The following BMAL2 variants were observed in gnomAD, a reference collection of about 807,000 sequenced individuals.
The protein encoded by BMAL2 is basic helix-loop-helix ARNT-like protein 2.
At chr12:27,403,010 T>A in the BMAL2 span, among the ~76,000 whole-genome samples, 3 of 152,276 alleles carry the variant, frequency 2.0e-5, no homozygotes, top group South Asian at 6.2e-4. Flanking sequence ...AGGAATGATG[T>A]TTTATCCATT....
At chr12:27,398,712 G>C in the BMAL2 span, among the ~76,000 whole-genome samples, 1 of 152,186 alleles carries the variant, frequency 6.6e-6, no homozygotes, top group Non-Finnish European at 1.5e-5. Flanking sequence ...TGTTGTAAGA[G>C]AGAAGTAAAT....
At chr12:27,380,454 C>T in the BMAL2 span, 8 of 1,592,520 alleles carry the variant, frequency 5.0e-6, no homozygotes, top group African/African-American at 2.7e-5. Flanking sequence ...TCTGCTCTGT[C>T]ACTGAGGTCT....
At chr12:27,419,198 CA>C in the BMAL2 span, among the ~76,000 whole-genome samples, 4 of 151,890 alleles carry the variant, frequency 2.6e-5, no homozygotes, top group African/African-American at 9.7e-5. Context: ...ATGCAAAGTC[CA>C]GATCAAGTAA....
At chr12:27,398,865 G>A in the BMAL2 span, among the ~76,000 whole-genome samples, 10 of 152,114 alleles carry the variant, frequency 6.6e-5, no homozygotes, top group Non-Finnish European at 7.4e-5. Flanking sequence ...TGATGTATAA[G>A]CCCTTTTATT....
At chr12:27,417,719 C>T in the BMAL2 span, among the ~76,000 whole-genome samples, 6 of 152,228 alleles carry the variant, frequency 3.9e-5, no homozygotes, top group East Asian at 1.9e-4. Context: ...CTTGGCCAGG[C>T]GCAGTGGCTC....
At chr12:27,387,241 T>G in the BMAL2 span, 1 of 1,611,398 alleles carries the variant, frequency 6.2e-7, no homozygotes, top group African/African-American at 1.3e-5. Context: ...GCAGAAGGCT[T>G]CTTATTTGTG....
chr12:27,383,981 C>T, the BMAL2 span, among the ~76,000 whole-genome samples: 16 of 152,154 alleles, frequency 1.1e-4, no homozygotes, highest in Admixed American at 5.2e-4. Context: ...GCCACAGATC[C>T]GTCCGAGGGC....
the BMAL2 span, chr12:27,425,093 T>C: frequency 2.0e-5 from 3 of 152,300 alleles, no homozygotes; most frequent in African/African-American, 7.2e-5. Flanking sequence ...GTGTATGGTG[T>C]ATGTCACTTC....
chr12:27,364,865 T>A, the BMAL2 span, among the ~76,000 whole-genome samples: 1 of 152,166 alleles, frequency 6.6e-6, no homozygotes, highest in African/African-American at 2.4e-5. Flanking sequence ...TTATTAGATT[T>A]ATTCTTTAGA....
At chr12:27,390,102 T>G in the BMAL2 span, 53 of 1,613,514 alleles carry the variant, frequency 3.3e-5, no homozygotes, top group Middle Eastern at 6.6e-4. Flanking sequence ...AAAGCTGGTT[T>G]GCAAGTTCAC....
chr12:27,410,820 T>G, the BMAL2 span, among the ~76,000 whole-genome samples: 6 of 152,220 alleles, frequency 3.9e-5, no homozygotes, highest in South Asian at 4.1e-4. Flanking sequence ...TTTTATATTC[T>G]CAACTTGAAA....
the BMAL2 span, among the ~76,000 whole-genome samples, chr12:27,384,579 G>A: frequency 2.0e-5 from 3 of 151,998 alleles, no homozygotes; most frequent in African/African-American, 7.3e-5. Flanking sequence ...TATCCATAGG[G>A]GCATACATTC....
At chr12:27,401,051 G>A in the BMAL2 span, among the ~76,000 whole-genome samples, 1 of 152,138 alleles carries the variant, frequency 6.6e-6, no homozygotes, top group Non-Finnish European at 1.5e-5. Flanking sequence ...GCCTGGATCG[G>A]GTGGAGGCTT....
chr12:27,409,952 C>A, the BMAL2 span, among the ~76,000 whole-genome samples: 1 of 152,030 alleles, frequency 6.6e-6, no homozygotes, highest in Non-Finnish European at 1.5e-5. Context: ...ACAGATACTT[C>A]TCAAAAGAAG....
At chr12:27,416,486 A>T in the BMAL2 span, among the ~76,000 whole-genome samples, 762 of 152,348 alleles carry the variant, frequency 5.0e-3, 4 homozygotes, top group African/African-American at 0.017. Flanking sequence ...TTTGAAATGC[A>T]TTATTGTATA....
chr12:27,360,050 T>TAA, the BMAL2 span, among the ~76,000 whole-genome samples: 1 of 67,338 alleles, frequency 1.5e-5, no homozygotes, highest in East Asian at 3.9e-4. Context: ...GAGACCCTAT[T>TAA]TAAAAAAAAA....
chr12:27,380,368 T>C, the BMAL2 span: 6 of 1,614,190 alleles, frequency 3.7e-6, no homozygotes, highest in Non-Finnish European at 5.1e-6. Context: ...ACTTACAGTT[T>C]TAAGAATGGC....
chr12:27,366,612 A>G, the BMAL2 span, among the ~76,000 whole-genome samples: 1 of 152,154 alleles, frequency 6.6e-6, no homozygotes, highest in African/African-American at 2.4e-5. Context: ...CATTTAATAA[A>G]CCTCACTTGA....
the BMAL2 span, among the ~76,000 whole-genome samples, chr12:27,382,900 G>A: frequency 6.6e-6 from 1 of 152,278 alleles, no homozygotes; most frequent in East Asian, 1.9e-4. Flanking sequence ...AGTTAATTAT[G>A]GAAAAATGAT....
Sources: allele counts gnomAD v4.1 joint callset (sites outside exome capture counted in the v4.1 genomes callset), GRCh38; gene constraint gnomAD v4.1.1; transcripts MANE v1.5; gene names NCBI Gene and HGNC (gene_info 2026-07-23, HGNC 2026-07-21).